NDRG1: variants seen among roughly 807,000 people sequenced by gnomAD.
NDRG1 encodes N-myc downstream regulated 1, also known as protein NDRG1.
In NDRG1, 32 loss-of-function variants were observed where a neutral mutation model predicts 56.9. The ratio of observed to expected loss-of-function variants is 0.56; its 90% CI spans 0.42 to 0.76. NDRG1 has a LOEUF of 0.76. Among genes scored for constraint, NDRG1 ranks in the 30% least tolerant of loss-of-function variants. NDRG1 has a pLI of 0.00. For missense variants in NDRG1, 507 were observed against 545.7 expected (o/e 0.93, Z 0.71); for synonymous variants, 211 against 204.1 (o/e 1.03, Z -0.29).
rs541747189 is a variant in NDRG1 at position 133,247,944 on chromosome 8, G to A, written c.756-18C>T. On this transcript the variant is annotated intron_variant, in intron 11 of 15. Transcript: ENST00000323851. ...CAGGGCACCTGGGGTCAGGGATAGAGCAGAGAATTAGCACAAGGTTCCTTT... is the reference window on the plus strand; with the variant it reads ...CAGGGCACCTGGGGTCAGGGATAGAACAGAGAATTAGCACAAGGTTCCTTT... The A allele has an allele frequency of 6.2e-7, 1 of 1,613,512 alleles. No individual in the cohort carries two copies. The highest frequency in any genetic ancestry group is 1.1e-5 in the South Asian group (1 of 91,052).
chr8:133,257,394 A>G (rs1187958473), intron 7 of NDRG1, among the ~76,000 whole-genome samples: 1 of 152,082 alleles, frequency 6.6e-6, no homozygotes, highest in Non-Finnish European at 1.5e-5. Flanking sequence ...AGATTTTGTC[A>G]TTGTGTGAAG....
rs1353143171 is a variant in NDRG1 at position 133,237,207 on chromosome 8, A to T, written c.*1671T>A. On this transcript the variant is annotated 3_prime_UTR_variant, in exon 16 of 16. Transcript: ENST00000323851. ...TTACAAATTTATTGGTCTGGAAATA[A>T]ATACAAATATCTCATTAAGAAACTC... The T allele has an allele frequency of 2.3e-5, 5 of 218,032 alleles. No individual in the cohort carries two copies. The highest frequency in any genetic ancestry group is 1.9e-4 in the South Asian group (1 of 5,396). The allele number at this position is 218,032 out of a possible 1,614,324, so 13.5% of individuals were successfully genotyped here. A position where few individuals can be genotyped will look rare whatever the true frequency, so the allele number is the denominator to read the frequency against.
chr8:133,242,376 G>C (rs1187027821), intron 14 of NDRG1, among the ~76,000 whole-genome samples: 1 of 152,206 alleles, frequency 6.6e-6, no homozygotes, highest in Non-Finnish European at 1.5e-5. Flanking sequence ...TCCACAAAGG[G>C]ACATGTCTAA....
At chr8:133,286,800 G>A (rs1023518067) in intron 1 of NDRG1, among the ~76,000 whole-genome samples, 11 of 152,202 alleles carry the variant, frequency 7.2e-5, no homozygotes, top group African/African-American at 2.4e-4. Context: ...AACCATTTAG[G>A]AAGTGTCCTA....
chr8:133,239,283 G>T, intron 15 of NDRG1, 164 bp from the exon 16 acceptor site: 1 of 1,133,712 alleles, frequency 8.8e-7, no homozygotes, highest in Non-Finnish European at 1.3e-6. Flanking sequence ...ATGTCCACTC[G>T]GAGAGAGAGA....
intron 3 of NDRG1, among the ~76,000 whole-genome samples, chr8:133,267,727 C>T (rs554283466): frequency 1.3e-5 from 2 of 152,306 alleles, no homozygotes; most frequent in African/African-American, 4.8e-5. Context: ...GTGTCCCCAC[C>T]GCCACGGACA....
At chr8:133,248,660 C>T in intron 11 of NDRG1, 55 bp downstream of exon 11, 1 of 1,605,286 alleles carries the variant, frequency 6.2e-7, no homozygotes, top group South Asian at 1.1e-5. Context: ...AGCAAGGCCA[C>T]CTTTATAGTG....
chr8:133,251,917 G>A (rs1442123958), intron 9 of NDRG1, among the ~76,000 whole-genome samples: 7 of 152,208 alleles, frequency 4.6e-5, no homozygotes, highest in Non-Finnish European at 1.0e-4. Flanking sequence ...AGAAGACCAT[G>A]TGAAGACAGA....
intron 12 of NDRG1, among the ~76,000 whole-genome samples, chr8:133,247,141 C>T (rs1855732430): frequency 6.6e-6 from 1 of 152,178 alleles, no homozygotes; most frequent in Non-Finnish European, 1.5e-5. Flanking sequence ...GCAGAATACC[C>T]ATATGTAACC....
chr8:133,288,308 A>G (rs1858239733), intron 1 of NDRG1: 1 of 152,198 alleles, frequency 6.6e-6, no homozygotes, highest in Non-Finnish European at 1.5e-5. Flanking sequence ...TCCAATGTTC[A>G]CACTCTTCCT....
chr8:133,278,232 ACAGCCACTG>A (rs1476738574), intron 3 of NDRG1, among the ~76,000 whole-genome samples: 2 of 152,130 alleles, frequency 1.3e-5, no homozygotes, highest in Non-Finnish European at 2.9e-5. Context: ...TGCTGGTGCC[ACAGCCACTG>A]CATCTATTGC....
In NDRG1 at chr8:133,288,555, G is replaced by A. The variant is rs572601317; in HGVS notation, c.-18-4226C>T. 702 of 152,564 alleles carry A rather than the reference G, an allele frequency of 4.6e-3. 7 individuals are homozygous for A. The highest frequency in any genetic ancestry group is 7.2e-3 in the Non-Finnish European group (491 of 68,208). 9.5% of individuals were successfully genotyped at this position (152,564 alleles called of 1,614,324 possible). ...CGGCTTAGCAAGTGTGGCAGGTGGA[G>A]CCTGTCCCTGGGCTTGAGGTCCTTG... On this transcript the variant is annotated intron_variant, in intron 1 of 15. Coordinates refer to ENST00000323851, the MANE Select transcript of NDRG1 (RefSeq NM_006096.4).
intron 3 of NDRG1, among the ~76,000 whole-genome samples, chr8:133,275,295 C>T (rs552937623): frequency 1.3e-5 from 2 of 152,320 alleles, no homozygotes; most frequent in African/African-American, 2.4e-5. Flanking sequence ...CAGTTTTAGA[C>T]AAAGATTTTC....
At chr8:133,259,499 C>T (rs1056924967) in intron 5 of NDRG1, 2 of 517,460 alleles carry the variant, frequency 3.9e-6, no homozygotes, top group African/African-American at 3.8e-5. Context: ...GCTAGGATTT[C>T]CCCTCATAGC....
chr8:133,239,409 G>A (rs563288795), intron 15 of NDRG1: 5 of 582,072 alleles, frequency 8.6e-6, no homozygotes, highest in Admixed American at 3.0e-5. Flanking sequence ...AATTTTGAGA[G>A]TGTCCCCCTG....
rs1209851405 is a variant in NDRG1 at position 133,239,017 on chromosome 8, C to T, written c.1046G>A (p.Gly349Asp). ...GCTGGTGTGGGAGCGGCTTCGGGTG[C>T]CCTCGCTGGTGTGGGAGCGGCTGCG... ...GTRSRSHTSE[G>D]TRSRSHTSEG... is the part of the protein sequence containing the mutation. Residue 349 changes from glycine to aspartate, a missense_variant, in exon 16 of 16, where the codon GGC (glycine) becomes GAC (aspartate). Gly to Asp is a moderately conservative substitution (Grantham distance 94). Coordinates refer to ENST00000323851, the MANE Select transcript of NDRG1 (RefSeq NM_006096.4). The T allele has an allele frequency of 1.1e-5, 18 of 1,598,244 alleles. No homozygotes were observed. Among genetic ancestry groups the T allele is most frequent in the Non-Finnish European group, 1.4e-5 (16 of 1,174,132 alleles).
At chr8:133,271,421 A>C (rs1454286951) in intron 3 of NDRG1, among the ~76,000 whole-genome samples, 4 of 152,282 alleles carry the variant, frequency 2.6e-5, no homozygotes, top group Non-Finnish European at 5.9e-5. Context: ...CCATCTTTTC[A>C]TAAAATGATA....
chr8:133,242,587 C>T (rs1855445558), intron 14 of NDRG1, among the ~76,000 whole-genome samples: 1 of 152,090 alleles, frequency 6.6e-6, no homozygotes, highest in Admixed American at 6.5e-5. Context: ...TACATTAACC[C>T]AGGGCTCTCC....
At chr8:133,296,171 C>A (rs935671442) in intron 1 of NDRG1, among the ~76,000 whole-genome samples, 1 of 150,714 alleles carries the variant, frequency 6.6e-6, no homozygotes. Flanking sequence ...GAGACCGCGG[C>A]GGATCCCCCA....
Sources: gnomAD v4.1 joint callset for allele counts (sites outside exome capture counted in the v4.1 genomes callset) on GRCh38, gnomAD v4.1.1 for gene constraint, MANE v1.5 for transcripts, NCBI Gene and HGNC (gene_info 2026-07-23, HGNC 2026-07-21) for gene names.